SLC9A9: variants seen among roughly 807,000 people sequenced by gnomAD.
The protein encoded by SLC9A9 is solute carrier family 9 member A9.
In SLC9A9, 62 loss-of-function variants were observed where a neutral mutation model predicts 77.8. The ratio of observed to expected loss-of-function variants is 0.80; its 90% CI spans 0.65 to 0.98. SLC9A9 has a LOEUF of 0.98. SLC9A9 is among the 50% of genes least tolerant of loss of function. SLC9A9 has a pLI of 0.00. For synonymous variants in SLC9A9, 320 were observed against 283.5 expected (o/e 1.13, Z -1.29); for missense variants, 775 against 774.9 (o/e 1.00, Z 0.00).
intron 14 of SLC9A9, among the ~76,000 whole-genome samples, chr3:143,336,401 A>G (rs1016839137): frequency 2.6e-5 from 4 of 152,212 alleles, no homozygotes; most frequent in Non-Finnish European, 4.4e-5. Context: ...TATATCCAAA[A>G]GAATTGAAAG....
At chr3:143,829,615 G>A (rs1243168797) in intron 2 of SLC9A9, among the ~76,000 whole-genome samples, 1 of 152,066 alleles carries the variant, frequency 6.6e-6, no homozygotes, top group Non-Finnish European at 1.5e-5. Flanking sequence ...TTATACGTTG[G>A]TCTTATCTCC....
At position 143,302,714 on chromosome 3, in the gene SLC9A9, T is replaced by C. The variant is rs115224234; in HGVS notation, c.1605-33734A>G. Among the ~76,000 whole-genome samples, 630 of 152,294 alleles carry C rather than the reference T, an allele frequency of 4.1e-3. 7 individuals carry two copies. Among genetic ancestry groups the C allele is most frequent in the African/African-American group, 0.014 (600 of 41,556 alleles). On this transcript the variant is annotated intron_variant, in intron 14 of 15. Coordinates refer to ENST00000316549, the MANE Select transcript of SLC9A9 (RefSeq NM_173653.4). ...CAACCAGCCAGCAGGTTTGGTCTTA[T>C]TCCTTACTGGGAACAGACAGAATGA...
chr3:143,558,142 A>T (rs1247096866), intron 8 of SLC9A9, among the ~76,000 whole-genome samples: 1 of 152,186 alleles, frequency 6.6e-6, no homozygotes, highest in Non-Finnish European at 1.5e-5. Context: ...GCCTGTGGGT[A>T]CATAGAAGTT....
At chr3:143,302,016 A>G (rs543418457) in intron 14 of SLC9A9, among the ~76,000 whole-genome samples, 451 of 152,320 alleles carry the variant, frequency 3.0e-3, no homozygotes, top group Non-Finnish European at 4.4e-3. Flanking sequence ...CACCCTAGGA[A>G]GAGTGAGAGG....
At chr3:143,727,000 T>G (rs1934670986) in intron 4 of SLC9A9, among the ~76,000 whole-genome samples, 1 of 146,846 alleles carries the variant, frequency 6.8e-6, no homozygotes, top group Admixed American at 7.0e-5. Flanking sequence ...ACAGAAGAGA[T>G]CCCCACCTCC....
At chr3:143,270,084 C>T (rs1443506341) in intron 14 of SLC9A9, among the ~76,000 whole-genome samples, 2 of 152,104 alleles carry the variant, frequency 1.3e-5, no homozygotes, top group African/African-American at 4.8e-5. Context: ...TGTTATGATG[C>T]GAGGAGAGTG....
intron 4 of SLC9A9, among the ~76,000 whole-genome samples, chr3:143,769,108 T>C (rs2007427778): frequency 6.6e-6 from 1 of 152,168 alleles, no homozygotes; most frequent in Non-Finnish European, 1.5e-5. Context: ...GAGATAAACA[T>C]ATGTAAAATA....
At chr3:143,692,464 C>T (rs76629868) in intron 5 of SLC9A9, among the ~76,000 whole-genome samples, 1,949 of 152,174 alleles carry the variant, frequency 0.013, 43 homozygotes, top group African/African-American at 0.045. Flanking sequence ...ATAATCCAGT[C>T]ATGATGAGAG....
At chr3:143,679,766 G>A (rs1466649446) in intron 5 of SLC9A9, among the ~76,000 whole-genome samples, 1 of 151,756 alleles carries the variant, frequency 6.6e-6, no homozygotes, top group African/African-American at 2.4e-5. Context: ...ACACCTGAGG[G>A]TTATGACAAC....
At chr3:143,662,220 G>C (rs2038989418) in intron 5 of SLC9A9, among the ~76,000 whole-genome samples, 1 of 152,212 alleles carries the variant, frequency 6.6e-6, no homozygotes, top group Non-Finnish European at 1.5e-5. Flanking sequence ...AACTAGCGCT[G>C]TCATTTCTGA....
At chr3:143,794,900 G>A in intron 4 of SLC9A9, 101 bp downstream of exon 4, 1 of 1,105,016 alleles carries the variant, frequency 9.0e-7, no homozygotes, top group Non-Finnish European at 1.4e-6. Context: ...CTAAAAAAAA[G>A]ACAATTTTCC....
At chr3:143,327,039 A>G (rs148435998) in intron 14 of SLC9A9, among the ~76,000 whole-genome samples, 4,300 of 152,296 alleles carry the variant, frequency 0.028, 78 homozygotes, top group South Asian at 0.04. Flanking sequence ...GGATAATTCC[A>G]GTTGAAATAG....
intron 4 of SLC9A9, among the ~76,000 whole-genome samples, chr3:143,703,981 TAC>T (rs1299917552): frequency 6.6e-6 from 1 of 152,182 alleles, no homozygotes. Context: ...GATAAATTTC[TAC>T]AGTCATACAA....
In SLC9A9 at chr3:143,495,387, A is replaced by G; in HGVS notation, c.1151T>C (p.Leu384Pro). ...AAAGATATGATTCTGGAACGTGAACAGTGCCAGGCCCATGTAACAGAAGAT... is the reference window on the plus strand; with the variant it reads ...AAAGATATGATTCTGGAACGTGAACGGTGCCAGGCCCATGTAACAGAAGAT... ...NVIFCYMGLA[L>P]FTFQNHIFNA... Residue 384 changes from leucine to proline, a missense_variant, in exon 10 of 16, where the codon CTG becomes CCG. Coordinates refer to ENST00000316549, the MANE Select transcript of SLC9A9 (RefSeq NM_173653.4). 1 of 1,614,218 alleles carries G rather than the reference A, an allele frequency of 6.2e-7. No individual in the cohort carries two copies. Among genetic ancestry groups the G allele is most frequent in the Non-Finnish European group, 8.5e-7 (1 of 1,180,010 alleles).
intron 5 of SLC9A9, among the ~76,000 whole-genome samples, chr3:143,667,082 T>C (rs2039081357): frequency 6.6e-6 from 1 of 152,212 alleles, no homozygotes; most frequent in East Asian, 1.9e-4. Context: ...CTTCAAACTA[T>C]ACTGCAAGGC....
At chr3:143,839,342 G>T (rs2009648481) in intron 1 of SLC9A9, among the ~76,000 whole-genome samples, 1 of 152,164 alleles carries the variant, frequency 6.6e-6, no homozygotes, top group Non-Finnish European at 1.5e-5. Flanking sequence ...AGTAGTCCAT[G>T]AAGCTAATTA....
At chr3:143,358,250 G>A (rs562082294) in intron 14 of SLC9A9, among the ~76,000 whole-genome samples, 136 of 152,208 alleles carry the variant, frequency 8.9e-4, no homozygotes, top group African/African-American at 3.1e-3. Flanking sequence ...CACACATCCT[G>A]CTGTGGGCTT....
At chr3:143,446,344 G>C (rs1327382026) in intron 12 of SLC9A9, among the ~76,000 whole-genome samples, 1 of 152,040 alleles carries the variant, frequency 6.6e-6, no homozygotes, top group East Asian at 1.9e-4. Flanking sequence ...GTTATCTTCT[G>C]ACTGTTTCTA....
chr3:143,395,047 C>T (rs1441289307), intron 12 of SLC9A9, among the ~76,000 whole-genome samples: 1 of 152,078 alleles, frequency 6.6e-6, no homozygotes, highest in Non-Finnish European at 1.5e-5. Flanking sequence ...AGATTCAATG[C>T]CATCCCCATC....
Sources: gnomAD v4.1 joint callset for allele counts (sites outside exome capture counted in the v4.1 genomes callset) on GRCh38, gnomAD v4.1.1 for gene constraint, MANE v1.5 for transcripts, NCBI Gene and HGNC (gene_info 2026-07-23, HGNC 2026-07-21) for gene names.